The following PTPN4 variants were observed in gnomAD, a reference collection of about 807,000 sequenced individuals.
PTPN4 encodes protein tyrosine phosphatase non-receptor type 4.
Under a neutral mutation model 135.5 loss-of-function variants are expected in PTPN4, and 49 were observed. The observed-to-expected ratio is 0.36, with a 90% CI of 0.29 to 0.46. The LOEUF is 0.46. Among genes scored for constraint, PTPN4 ranks in the 20% least tolerant of loss-of-function variants. The probability of loss-of-function intolerance (pLI) is 1.00; values close to 1 mark genes in which losing one functional copy is unlikely to be tolerated. For synonymous variants in PTPN4, 333 were observed against 369.9 expected, an observed-to-expected ratio of 0.90 and a Z score of 1.14; for missense variants, 860 against 1,101.0, an observed-to-expected ratio of 0.78 and a Z score of 3.10.
At chr2:119,957,439 CATT>C (rs996415557) in intron 22 of PTPN4, among the ~76,000 whole-genome samples, 12 of 152,166 alleles carry the variant, frequency 7.9e-5, no homozygotes, top group East Asian at 1.9e-4. Flanking sequence ...GTTGCATGCT[CATT>C]ATGAAAATCT....
chr2:119,805,638 A>G (rs1364149635), intron 1 of PTPN4, among the ~76,000 whole-genome samples: 1 of 152,164 alleles, frequency 6.6e-6, no homozygotes, highest in Non-Finnish European at 1.5e-5. Context: ...CCATTGGTCT[A>G]TCTCTCTGTT....
chr2:119,761,695 G>A (rs1690504723), intron 1 of PTPN4, among the ~76,000 whole-genome samples: 1 of 152,118 alleles, frequency 6.6e-6, no homozygotes, highest in Admixed American at 6.5e-5. Flanking sequence ...CGGTCCCATA[G>A]TATCATAATC....
At chr2:119,803,254 G>C (rs1210411469) in intron 1 of PTPN4, among the ~76,000 whole-genome samples, 6 of 152,062 alleles carry the variant, frequency 3.9e-5, no homozygotes, top group African/African-American at 1.2e-4. Flanking sequence ...CTAGGTTCTT[G>C]AGGAGGGAGG....
chr2:119,780,694 A>G (rs1427749782), intron 1 of PTPN4, among the ~76,000 whole-genome samples: 1 of 152,238 alleles, frequency 6.6e-6, no homozygotes, highest in Non-Finnish European at 1.5e-5. Flanking sequence ...CAGGGTGTCT[A>G]TGATACCAGT....
At chr2:119,854,050 G>A (rs1677636030) in intron 2 of PTPN4, among the ~76,000 whole-genome samples, 1 of 152,086 alleles carries the variant, frequency 6.6e-6, no homozygotes, top group Non-Finnish European at 1.5e-5. Flanking sequence ...TTAGGAGGCT[G>A]GAGGAGGCGG....
intron 2 of PTPN4, among the ~76,000 whole-genome samples, chr2:119,860,404 A>G (rs779579680): frequency 2.6e-5 from 4 of 152,230 alleles, no homozygotes; most frequent in Non-Finnish European, 4.4e-5. Context: ...TCACATGGAT[A>G]TGAATCTTGG....
chr2:119,919,301 A>G (rs1678703328), intron 11 of PTPN4, among the ~76,000 whole-genome samples: 1 of 152,354 alleles, frequency 6.6e-6, no homozygotes, highest in East Asian at 1.9e-4. Context: ...TAAATTTTGA[A>G]TTATGTAATA....
At chr2:119,911,080 A>C (rs72838983) in intron 10 of PTPN4, among the ~76,000 whole-genome samples, 3,163 of 152,270 alleles carry the variant, frequency 0.021, 60 homozygotes, top group Non-Finnish European at 0.033. Context: ...CTTGTTGTGA[A>C]TTCTATCGAA....
chr2:119,839,256 G>A (rs1677344319), intron 2 of PTPN4, among the ~76,000 whole-genome samples: 1 of 152,054 alleles, frequency 6.6e-6, no homozygotes, highest in Non-Finnish European at 1.5e-5. Context: ...GCTATCATAA[G>A]GTTTTTTCAG....
Position 119,906,200 on chromosome 2 carries a change from A to G in PTPN4, c.764+5394A>G, listed in dbSNP as rs542573320. 5.3e-4 allele frequency among the ~76,000 whole-genome samples: 81 copies of G among 152,280 alleles called. No individual in the cohort carries two copies. The South Asian group carries it at 8.1e-3, about 15-fold the overall frequency. ...TTTTTTGAAGTGATAAAAATCAACTAACAACAAAAAAAGAAAAAATTATCT... is the reference window on the plus strand; with the variant it reads ...TTTTTTGAAGTGATAAAAATCAACTGACAACAAAAAAAGAAAAAATTATCT... On this transcript the variant is annotated intron_variant, in intron 10 of 26. Transcript: ENST00000263708.
intron 12 of PTPN4, among the ~76,000 whole-genome samples, chr2:119,921,371 T>C (rs1314069914): frequency 6.6e-6 from 1 of 152,206 alleles, no homozygotes; most frequent in Non-Finnish European, 1.5e-5. Flanking sequence ...GAAAAATGTT[T>C]AGATGTTCCC....
At chr2:119,878,082 G>T (rs1678012147) in intron 5 of PTPN4, among the ~76,000 whole-genome samples, 2 of 152,170 alleles carry the variant, frequency 1.3e-5, no homozygotes, top group South Asian at 4.1e-4. Context: ...GCACTAGCAT[G>T]TTGAGGCCTT....
At chr2:119,784,300 A>G (rs1691003471) in intron 1 of PTPN4, among the ~76,000 whole-genome samples, 1 of 142,828 alleles carries the variant, frequency 7.0e-6, no homozygotes, top group Admixed American at 7.1e-5. Context: ...TTTGAGACAG[A>G]ATCTCCTGGG....
intron 26 of PTPN4, among the ~76,000 whole-genome samples, chr2:119,973,807 A>G (rs577287313): frequency 4.6e-5 from 7 of 151,906 alleles, no homozygotes; most frequent in Non-Finnish European, 1.0e-4. Flanking sequence ...GTATGGCTTG[A>G]GCATCTTAGG....
chr2:119,881,573 G>A (rs557988244), intron 5 of PTPN4, among the ~76,000 whole-genome samples: 7 of 152,226 alleles, frequency 4.6e-5, no homozygotes, highest in African/African-American at 7.2e-5. Flanking sequence ...CAAGACATTC[G>A]AAATACAAAT....
At chr2:119,975,737 C>G (rs1437991214) in intron 26 of PTPN4, among the ~76,000 whole-genome samples, 1 of 151,824 alleles carries the variant, frequency 6.6e-6, no homozygotes, top group East Asian at 1.9e-4. Context: ...AAAAAATGTC[C>G]CTTCAAATAG....
chr2:119,956,736 C>T, intron 20 of PTPN4, 108 bp from the exon 21 acceptor site: 1 of 1,550,662 alleles, frequency 6.4e-7, no homozygotes, highest in African/African-American at 1.4e-5. Context: ...ATGACCTATT[C>T]AAAGGCAAAG....
At chr2:119,896,674 G>T (rs757383004) in intron 9 of PTPN4, among the ~76,000 whole-genome samples, 3 of 152,080 alleles carry the variant, frequency 2.0e-5, no homozygotes, top group Non-Finnish European at 4.4e-5. Flanking sequence ...TTATTTGCTG[G>T]AATGATTTTA....
intron 20 of PTPN4, 37 bp from the exon 21 acceptor site, chr2:119,956,807 C>CT: frequency 6.4e-7 from 1 of 1,572,938 alleles, no homozygotes; most frequent in Non-Finnish European, 8.5e-7. Context: ...TTGTTTATGG[C>CT]TTTTGTTGGA....
Sources: allele counts gnomAD v4.1 joint callset (sites outside exome capture counted in the v4.1 genomes callset), GRCh38; gene constraint gnomAD v4.1.1; transcripts MANE v1.5; gene names NCBI Gene and HGNC (gene_info 2026-07-23, HGNC 2026-07-21).